DGKI: variants seen among roughly 807,000 people sequenced by gnomAD.
The protein encoded by DGKI is diacylglycerol kinase iota.
Under a neutral mutation model 147.5 loss-of-function variants are expected in DGKI, and 55 were observed. That is an observed-to-expected ratio of 0.37 (90% CI 0.30 to 0.47). DGKI has a LOEUF of 0.47. Ranked by LOEUF, DGKI falls within the 20% of genes least tolerant of loss-of-function variation. The pLI is 1.00. For synonymous variants in DGKI, 469 were observed against 477.1 expected (o/e 0.98, Z 0.22); for missense variants, 1,007 against 1,323.8 (o/e 0.76, Z 3.71).
At chr7:137,645,431 G>A (rs1410273210) in intron 6 of DGKI, 41 bp downstream of exon 6, 3 of 1,584,652 alleles carry the variant, frequency 1.9e-6, no homozygotes, top group Non-Finnish European at 2.6e-6. Flanking sequence ...GCAGAGGCCT[G>A]GGGAGCCTCC....
intron 6 of DGKI, among the ~76,000 whole-genome samples, chr7:137,642,817 A>C (rs976351381): frequency 8.6e-5 from 13 of 152,046 alleles, no homozygotes; most frequent in Admixed American, 3.9e-4. Context: ...AACCATAAAC[A>C]CTTCCTAAAA....
chr7:137,736,673 C>T (rs181093540), intron 1 of DGKI, among the ~76,000 whole-genome samples: 1 of 152,142 alleles, frequency 6.6e-6, no homozygotes, highest in Admixed American at 6.5e-5. Flanking sequence ...CTGAAAGTAA[C>T]GGGAACTTGA....
At chr7:137,494,466 C>T (rs1815887093) in intron 21 of DGKI, among the ~76,000 whole-genome samples, 1 of 152,158 alleles carries the variant, frequency 6.6e-6, no homozygotes, top group South Asian at 2.1e-4. Flanking sequence ...AGGCTAACAG[C>T]TGACCTTAGA....
intron 21 of DGKI, among the ~76,000 whole-genome samples, chr7:137,501,754 T>C (rs1363048064): frequency 6.6e-6 from 1 of 152,164 alleles, no homozygotes; most frequent in African/African-American, 2.4e-5. Flanking sequence ...GCCAACTACA[T>C]GAGCTCCCAG....
intron 19 of DGKI, among the ~76,000 whole-genome samples, chr7:137,557,185 C>T (rs1295341155): frequency 1.3e-5 from 2 of 152,158 alleles, no homozygotes; most frequent in Admixed American, 1.3e-4. Flanking sequence ...CACTCACACA[C>T]TCCCTTTTGT....
rs1057382223 is a variant in DGKI, at chr7:137,397,493, T to A, written c.2921-80A>T. 1.6e-5 allele frequency: 23 copies of A among 1,434,556 alleles called. No individual in the cohort carries two copies. The Admixed American group carries it at 3.9e-4, about 24-fold the overall frequency. The allele number at this position is 1,434,556 out of a possible 1,614,324, so 88.9% of individuals were successfully genotyped here. A position where few individuals can be genotyped will look rare whatever the true frequency, so the allele number is the denominator to read the frequency against. On this transcript the variant is annotated intron_variant, in intron 30 of 32. Coordinates refer to ENST00000614521, the MANE Select transcript of DGKI (RefSeq NM_001321708.2). ...TAACAGAAAATCTATAGTCACAGAA[T>A]TAAAATGCCTTGGAAAGCTAAATTT...
At chr7:137,569,252 G>A (rs1818698559) in intron 19 of DGKI, among the ~76,000 whole-genome samples, 1 of 151,964 alleles carries the variant, frequency 6.6e-6, no homozygotes, top group Admixed American at 6.6e-5. Flanking sequence ...CCTAGGTAAG[G>A]GATTGTCATC....
chr7:137,775,708 T>TTAGCAATATCC (rs1304037438), intron 1 of DGKI, among the ~76,000 whole-genome samples: 2 of 152,182 alleles, frequency 1.3e-5, no homozygotes, highest in Non-Finnish European at 2.9e-5. Context: ...TTAGCAACAT[T>TTAGCAATATCC]ACGTGTAATA....
intron 14 of DGKI, among the ~76,000 whole-genome samples, chr7:137,582,857 G>A (rs1283976914): frequency 6.6e-6 from 1 of 152,082 alleles, no homozygotes; most frequent in African/African-American, 2.4e-5. Context: ...TTCCTTCTGC[G>A]ACTCAAGTGG....
intron 3 of DGKI, among the ~76,000 whole-genome samples, chr7:137,657,863 A>G (rs1381456151): frequency 3.3e-5 from 5 of 152,224 alleles, no homozygotes; most frequent in Admixed American, 1.3e-4. Flanking sequence ...ATGCAGCCTC[A>G]TAGGTCTTGG....
intron 12 of DGKI, among the ~76,000 whole-genome samples, chr7:137,596,835 G>C (rs1819815224): frequency 6.6e-6 from 1 of 152,158 alleles, no homozygotes; most frequent in Non-Finnish European, 1.5e-5. Context: ...AAGAGAGATA[G>C]TATTCGAAGA....
chr7:137,621,420 A>C (rs1820743228), intron 7 of DGKI, among the ~76,000 whole-genome samples: 1 of 152,220 alleles, frequency 6.6e-6, no homozygotes. Flanking sequence ...AAGATTGCAC[A>C]GTTTTTAAAT....
At chr7:137,577,507 C>T (rs1819025380) in intron 16 of DGKI, among the ~76,000 whole-genome samples, 2 of 152,154 alleles carry the variant, frequency 1.3e-5, no homozygotes, top group Non-Finnish European at 2.9e-5. Context: ...TTTAAGAACA[C>T]AGAATGAGAG....
chr7:137,501,086 T>A (rs1816155282), intron 21 of DGKI, among the ~76,000 whole-genome samples: 1 of 152,158 alleles, frequency 6.6e-6, no homozygotes, highest in Non-Finnish European at 1.5e-5. Flanking sequence ...GACTGACTTT[T>A]TTAGCCCCTA....
intron 8 of DGKI, among the ~76,000 whole-genome samples, chr7:137,617,734 T>G (rs1490244035): frequency 1.3e-5 from 2 of 152,038 alleles, no homozygotes; most frequent in African/African-American, 2.4e-5. Flanking sequence ...ATATCCTGGT[T>G]GTGATTTTGT....
chr7:137,613,957 T>C (rs1259929117), intron 8 of DGKI, among the ~76,000 whole-genome samples: 5 of 152,176 alleles, frequency 3.3e-5, no homozygotes, highest in Admixed American at 3.3e-4. Context: ...AAACTCTGCA[T>C]ATATCATAGG....
chr7:137,762,737 C>G (rs1157195512), intron 1 of DGKI, among the ~76,000 whole-genome samples: 1 of 152,206 alleles, frequency 6.6e-6, no homozygotes. Context: ...TTCATGAGAT[C>G]TGGTTCATTG....
chr7:137,680,276 GA>G (rs1823190816), intron 2 of DGKI, among the ~76,000 whole-genome samples: 1 of 152,202 alleles, frequency 6.6e-6, no homozygotes, highest in South Asian at 2.1e-4. Context: ...CCAGCCACCA[GA>G]ACTGTGGGAA....
intron 28 of DGKI, among the ~76,000 whole-genome samples, chr7:137,429,072 C>A (rs1368367149): frequency 3.9e-5 from 6 of 152,022 alleles, no homozygotes; most frequent in Non-Finnish European, 8.8e-5. Flanking sequence ...CATATGGAAC[C>A]AAAAAAGAGC....
Sources: gnomAD v4.1 joint callset for allele counts (sites outside exome capture counted in the v4.1 genomes callset) on GRCh38, gnomAD v4.1.1 for gene constraint, MANE v1.5 for transcripts, NCBI Gene and HGNC (gene_info 2026-07-23, HGNC 2026-07-21) for gene names.